USP42: variants seen among roughly 807,000 people sequenced by gnomAD.
The protein encoded by USP42 is ubiquitin carboxyl-terminal hydrolase 42.
USP42 carries 23 observed loss-of-function variants against 113.0 expected under a neutral mutation model. The observed-to-expected ratio is 0.20, with a 90% CI of 0.15 to 0.29. The LOEUF is 0.29. USP42 is among the 10% of genes least tolerant of loss of function. The probability of loss-of-function intolerance (pLI) is 1.00; values close to 1 mark genes in which losing one functional copy is unlikely to be tolerated. For synonymous variants in USP42, 933 were observed against 699.0 expected, an observed-to-expected ratio of 1.33 and a Z score of -5.28; for missense variants, 2,174 against 1,779.8, an observed-to-expected ratio of 1.22 and a Z score of -3.99.
At chr7:6,113,916 C>T (rs542987158) in intron 2 of USP42, among the ~76,000 whole-genome samples, 7 of 152,262 alleles carry the variant, frequency 4.6e-5, no homozygotes, top group South Asian at 2.1e-4. Flanking sequence ...CCACTGTGCC[C>T]GACCCAATCT....
the USP42 span, among the ~76,000 whole-genome samples, chr7:6,082,470 A>G: frequency 6.7e-6 from 1 of 148,970 alleles, no homozygotes; most frequent in Admixed American, 6.6e-5. Flanking sequence ...ATATATTTTT[A>G]GGCTGGGTGT....
intron 3 of USP42, among the ~76,000 whole-genome samples, chr7:6,134,030 A>AC (rs537705348): frequency 3.4e-4 from 52 of 151,578 alleles, no homozygotes; most frequent in Non-Finnish European, 6.2e-4. Flanking sequence ...AGCTGGGACT[A>AC]CAGGTGCCCA....
In USP42 at chr7:6,156,560, C is replaced by G. The variant is rs144498762; in HGVS notation, c.3642-194C>G. ...AATCTCCTGGGCTCAAGTGATCCTCCTGCTTCAGCCTCCCGAGTAGCTGGG... is the reference window on the plus strand; with the variant it reads ...AATCTCCTGGGCTCAAGTGATCCTCGTGCTTCAGCCTCCCGAGTAGCTGGG... On this transcript the variant is annotated intron_variant, in intron 15 of 17. Coordinates refer to ENST00000306177, the MANE Select transcript of USP42 (RefSeq NM_032172.3). Among the ~76,000 whole-genome samples, 77 of 152,264 alleles carry G rather than the reference C, an allele frequency of 5.1e-4. No homozygotes were observed. In the East Asian group the frequency reaches 0.014, roughly 27 times the overall value.
chr7:6,159,642 G>A lies in USP42; in HGVS notation c.*36+149G>A. The A allele has an allele frequency of 2.6e-6, 2 of 756,794 alleles. No individual in the cohort carries two copies. Among genetic ancestry groups the A allele is most frequent in the Non-Finnish European group, 4.3e-6 (2 of 466,106 alleles). The allele number at this position is 756,794 out of a possible 1,614,324, so 46.9% of individuals were successfully genotyped here. A position where few individuals can be genotyped will look rare whatever the true frequency, so the allele number is the denominator to read the frequency against. Reference sequence around the variant, plus strand: ...AGAGGCCCCGGCAGGTTCCCAGCCAGCCCAGACCCAGGCCACGCGCTTGGG... The same window carrying A: ...AGAGGCCCCGGCAGGTTCCCAGCCAACCCAGACCCAGGCCACGCGCTTGGG... On this transcript the variant is annotated intron_variant, in intron 17 of 17. Transcript: ENST00000306177. This position sits in a 1 kb window ranked among gnomAD's most constrained non-coding sequence, Gnocchi z 4.1.
chr7:6,096,510 G>A, the USP42 span, among the ~76,000 whole-genome samples: 3 of 151,300 alleles, frequency 2.0e-5, no homozygotes, highest in Non-Finnish European at 4.4e-5. Context: ...CTTTAGCATG[G>A]TCATGCAGAG....
the USP42 span, among the ~76,000 whole-genome samples, chr7:6,092,616 C>T: frequency 2.6e-5 from 4 of 151,290 alleles, 1 homozygote; most frequent in African/African-American, 9.9e-5. Flanking sequence ...AATTAACACC[C>T]ACAGCTCCGG....
At chr7:6,102,109 ATTT>A (rs370131326), upstream of USP42, among the ~76,000 whole-genome samples, 127 of 121,602 alleles carry the variant, frequency 1.0e-3, 2 homozygotes, top group African/African-American at 1.8e-3. Flanking sequence ...GTCTCCTAAG[ATTT>A]TTTTTTTTTT....
upstream of USP42, among the ~76,000 whole-genome samples, chr7:6,104,257 T>C (rs1404853488): frequency 1.3e-5 from 2 of 151,240 alleles, no homozygotes; most frequent in Non-Finnish European, 2.9e-5. Flanking sequence ...TAATTTTTTG[T>C]ATCTTTAGTA....
rs369332625 is a variant in USP42 at position 6,150,241 on chromosome 7, A to C, written c.2045A>C (p.Gln682Pro). 1 of 1,613,742 alleles carries C rather than the reference A, an allele frequency of 6.2e-7. No individual in the cohort carries two copies. Among genetic ancestry groups the C allele is most frequent in the Non-Finnish European group, 8.5e-7 (1 of 1,179,892 alleles). ...NGLAPDGASCQGQPALHSENP... is the reference protein window; with the variant it reads ...NGLAPDGASCPGQPALHSENP... The stretch of plus-strand genomic sequence containing the variant: ...CTAGCGCCTGATGGTGCCAGCTGCC[A>C]AGGCCAGCCTGCCCTGCACTCAGAA... Residue 682 changes from glutamine (Q) to proline (P), a missense_variant, in exon 13 of 18, where the codon CAA (glutamine) becomes CCA (proline). Gln to Pro is a moderately conservative substitution (Grantham distance 76). Coordinates refer to ENST00000306177, the MANE Select transcript of USP42 (RefSeq NM_032172.3).
chr7:6,151,716 TC>T (rs1782062429), intron 14 of USP42, among the ~76,000 whole-genome samples: 1 of 152,242 alleles, frequency 6.6e-6, no homozygotes, highest in Non-Finnish European at 1.5e-5. Context: ...GGGCTGGGAT[TC>T]CAGACGTGAG....
At chr7:6,107,879 T>C (rs1779379676) in intron 1 of USP42, among the ~76,000 whole-genome samples, 1 of 152,218 alleles carries the variant, frequency 6.6e-6, no homozygotes, top group South Asian at 2.1e-4. Context: ...CAATTCAGTT[T>C]TCTTAGTTCA....
At chr7:6,101,219 G>C (rs1790118522), upstream of USP42, among the ~76,000 whole-genome samples, 1 of 151,036 alleles carries the variant, frequency 6.6e-6, no homozygotes, top group Non-Finnish European at 1.5e-5. Context: ...CAGCAGACAA[G>C]GGATGGAAGC....
intron 3 of USP42, chr7:6,116,980 T>TCCTCCCTC (rs979384454): frequency 6.8e-6 from 3 of 440,582 alleles, no homozygotes; most frequent in African/African-American, 6.3e-5. Context: ...TGTGCTTGCT[T>TCCTCCCTC]CCTCCCTCCC....
Position 6,161,119 on chromosome 7 carries a change from AT to A in USP42, c.*602del, listed in dbSNP as rs1782751973. ...GAACTTTGTGGAACTGTTCCAATCA[AT>A]CAATTTCCCAGTTATGATGAGTATT... is the stretch of plus-strand genomic sequence containing the variant. On this transcript the variant is annotated 3_prime_UTR_variant, in exon 18 of 18. Transcript: ENST00000306177. The A allele has an allele frequency of 6.6e-6, 1 of 152,644 alleles. No homozygotes were observed. The highest frequency in any genetic ancestry group is 2.1e-4 in the South Asian group (1 of 4,828). The allele number at this position is 152,644 out of a possible 1,614,324, so 9.5% of individuals were successfully genotyped here. A position where few individuals can be genotyped will look rare whatever the true frequency, so the allele number is the denominator to read the frequency against.
At chr7:6,104,386 C>T (rs1030658266), upstream of USP42, among the ~76,000 whole-genome samples, 1 of 152,218 alleles carries the variant, frequency 6.6e-6, no homozygotes, top group Non-Finnish European at 1.5e-5. Context: ...CGGCCCAGAC[C>T]TTGTTTCTAA....
At position 6,154,749 on chromosome 7, in the gene USP42, G is replaced by A; in HGVS notation, c.3195G>A (p.Arg1065=). 1 of 1,564,762 alleles carries A rather than the reference G, an allele frequency of 6.4e-7. No individual in the cohort carries two copies. The highest frequency in any genetic ancestry group is 8.6e-7 in the Non-Finnish European group (1 of 1,156,538). Residue 1065 remains arginine (R), a synonymous_variant, in exon 15 of 18, where the codon AGG becomes AGA. Transcript: ENST00000306177. ...ACAGGTGCCGGTACTACCATGACAG[G>A]TACGCCCTGTACGCTGCCCGGGACT... ...RWDRCRYYHD[R]YALYAARDWK...
rs1028340914 is a variant in USP42, at chr7:6,154,263, G to A, written c.2709G>A (p.Val903=). The A allele has an allele frequency of 2.1e-5, 33 of 1,602,834 alleles. No individual in the cohort carries two copies. Among genetic ancestry groups the A allele is most frequent in the Non-Finnish European group, 2.5e-5 (29 of 1,176,064 alleles). Reference sequence around the variant, plus strand: ...CCGCAGAGCGGCCGCCAGCTCCTGTGCTGGACATGGCCCCGGCCGGTCACC... The same window carrying A: ...CCGCAGAGCGGCCGCCAGCTCCTGTACTGGACATGGCCCCGGCCGGTCACC... The part of the protein sequence containing the change: ...PEAAERPPAP[V]LDMAPAGHPE... The change falls in exon 15 of 18, where the codon GTG becomes GTA. Residue 903 remains valine, a synonymous_variant. Transcript: ENST00000306177.
chr7:6,121,534 G>A (rs183247815), intron 3 of USP42, among the ~76,000 whole-genome samples: 22 of 151,792 alleles, frequency 1.4e-4, no homozygotes, highest in East Asian at 3.9e-4. Context: ...TGTTTTCTTC[G>A]CATCTGTTTC....
In USP42 at chr7:6,159,446, C is replaced by T. The variant is rs780582536; in HGVS notation, c.3944-4C>T. On this transcript the variant is annotated splice_polypyrimidine_tract_variant and splice_region_variant and intron_variant, in intron 16 of 17. Coordinates refer to ENST00000306177, the MANE Select transcript of USP42 (RefSeq NM_032172.3). This position sits in a 1 kb window ranked among gnomAD's most constrained non-coding sequence, Gnocchi z 4.1. ...AAATCTCTTTCCTGACCTTTGCTTT[C>T]TAGGTGATTGAAAACTCAGCCTCAA... The T allele has an allele frequency of 1.9e-6, 3 of 1,614,002 alleles. No homozygotes were observed. The South Asian group carries it at 3.3e-5, about 18-fold the overall frequency.
Sources: gnomAD v4.1 joint callset for allele counts (sites outside exome capture counted in the v4.1 genomes callset) on GRCh38, gnomAD v4.1.1 for gene constraint, Gnocchi (gnomAD v3.1) non-coding constraint, MANE v1.5 for transcripts, NCBI Gene and HGNC (gene_info 2026-07-23, HGNC 2026-07-21) for gene names.